The following WDR33 variants were observed in gnomAD, a reference collection of about 807,000 sequenced individuals.
The protein encoded by WDR33 is WD repeat domain 33.
WDR33 carries 47 observed loss-of-function variants against 164.9 expected under a neutral mutation model. The observed-to-expected ratio is 0.29, with a 90% CI of 0.23 to 0.36. The LOEUF (loss-of-function observed/expected upper bound fraction) is 0.36. Among genes scored for constraint, WDR33 ranks in the 10% least tolerant of loss-of-function variants. The probability of loss-of-function intolerance (pLI) is 1.00; values close to 1 mark genes in which losing one functional copy is unlikely to be tolerated. For synonymous variants in WDR33, 505 were observed against 589.0 expected (o/e 0.86, Z 2.06); for missense variants, 1,137 against 1,754.1 (o/e 0.65, Z 6.28).
intron 1 of WDR33, chr2:127,810,769 C>G (rs943110537): frequency 1.4e-5 from 2 of 141,928 alleles, no homozygotes; most frequent in African/African-American, 5.6e-5. Context: ...CGCCACCGCT[C>G]CCAGTCAGGG....
intron 2 of WDR33, 57 bp from the exon 3 acceptor site, chr2:127,769,058 T>C: frequency 9.5e-7 from 1 of 1,047,718 alleles, no homozygotes; most frequent in Non-Finnish European, 1.2e-6. Context: ...AATGACTATA[T>C]GGTCTGATTA....
At chr2:127,730,354 G>T (rs1329037154) in intron 7 of WDR33, among the ~76,000 whole-genome samples, 3 of 151,862 alleles carry the variant, frequency 2.0e-5, no homozygotes, top group Non-Finnish European at 4.4e-5. Flanking sequence ...TCAGTAAAGT[G>T]AAAAAAATTT....
At chr2:127,776,292 T>C (rs1160435880) in intron 1 of WDR33, among the ~76,000 whole-genome samples, 3 of 152,176 alleles carry the variant, frequency 2.0e-5, no homozygotes, top group South Asian at 2.1e-4. Context: ...GATCTCAGAC[T>C]TTCAGCCTCC....
intron 7 of WDR33, among the ~76,000 whole-genome samples, chr2:127,742,730 A>G (rs1364214404): frequency 1.3e-5 from 2 of 151,924 alleles, no homozygotes; most frequent in Non-Finnish European, 2.9e-5. Context: ...AGAATTCCGT[A>G]AGACAAGCAA....
chr2:127,767,348 A>G (rs1164498546), intron 4 of WDR33, among the ~76,000 whole-genome samples: 2 of 152,198 alleles, frequency 1.3e-5, no homozygotes, highest in Non-Finnish European at 1.5e-5. Flanking sequence ...AAATGATTAC[A>G]TTATCATCTA....
intron 18 of WDR33, among the ~76,000 whole-genome samples, chr2:127,711,203 T>C (rs1392713580): frequency 6.6e-6 from 1 of 152,058 alleles, no homozygotes; most frequent in Non-Finnish European, 1.5e-5. Context: ...GGCAGGCAGA[T>C]CACTTGAGGC....
At chr2:127,744,023 A>G (rs779590566) in intron 7 of WDR33, among the ~76,000 whole-genome samples, 23 of 152,210 alleles carry the variant, frequency 1.5e-4, no homozygotes, top group Admixed American at 6.5e-5. Context: ...TGGAGGAAAG[A>G]CTTTTTACCA....
intron 7 of WDR33, chr2:127,736,329 T>G (rs1034486389): frequency 1.0e-6 from 1 of 985,258 alleles, no homozygotes; most frequent in African/African-American, 1.7e-5. Context: ...CCTTTAACCT[T>G]TAATTTGTAA....
At chr2:127,777,268 G>A (rs1217393033) in intron 1 of WDR33, among the ~76,000 whole-genome samples, 1 of 152,192 alleles carries the variant, frequency 6.6e-6, no homozygotes, top group African/African-American at 2.4e-5. Flanking sequence ...TGCATACACT[G>A]CCTCAGGTAC....
rs1172911458 is a variant in WDR33, at chr2:127,708,995, C to T, written c.3566-103G>A. 4.7e-6 allele frequency: 6 copies of T among 1,283,054 alleles called. No individual in the cohort carries two copies. The African/African-American group carries it at 7.5e-5, about 16-fold the overall frequency. 79.5% of individuals were successfully genotyped at this position (1,283,054 alleles called of 1,614,324 possible). A position where few individuals can be genotyped will look rare whatever the true frequency, so the allele number is the denominator to read the frequency against. On this transcript the variant is annotated intron_variant, in intron 20 of 21. Transcript: ENST00000322313. The surrounding 1 kb of genome is among the most constrained non-coding windows in gnomAD (Gnocchi z 6.7). Reference sequence around the variant, plus strand: ...GGAGCAACTCGAGAGCCACCGTTCACTCATGCTGAATGCCCGCCAGAGGCC... The same window carrying T: ...GGAGCAACTCGAGAGCCACCGTTCATTCATGCTGAATGCCCGCCAGAGGCC...
chr2:127,768,255 A>G lies in WDR33; in HGVS notation c.312T>C (p.Asn104=). 6.3e-7 allele frequency: 1 copy of G among 1,581,442 alleles called. No individual in the cohort carries two copies. Residue 104 remains asparagine (N), a synonymous_variant, in exon 4 of 22, where the codon AAT becomes AAC. Transcript: ENST00000322313. ...TCCGAACAAATTTTGTTGTTACTGC[A>G]TTCATAGGATTATTCAACATTCCTA... The part of the protein sequence containing the change: ...PPIGMLNNPM[N]AVTTKFVRTS...
chr2:127,784,864 A>G (rs1007018602), intron 1 of WDR33, among the ~76,000 whole-genome samples: 1 of 152,210 alleles, frequency 6.6e-6, no homozygotes, highest in African/African-American at 2.4e-5. Context: ...CTTATAAAAT[A>G]TAACTTTCCT....
rs1417403359 is a variant in WDR33 at position 127,763,899 on chromosome 2, T to C, written c.627-740A>G. On this transcript the variant is annotated intron_variant, in intron 6 of 21. Transcript: ENST00000322313. The surrounding 1 kb of genome is among the most constrained non-coding windows in gnomAD (Gnocchi z 4.5). ...GGACCAGCTGTGTAAACTCAATGTA[T>C]GGGCATGACACTAAGGCAAAATCTA... 1 of 985,614 alleles carries C rather than the reference T, an allele frequency of 1.0e-6. No individual in the cohort carries two copies. Among genetic ancestry groups the C allele is most frequent in the Non-Finnish European group, 1.2e-6 (1 of 830,182 alleles). The allele number at this position is 985,614 out of a possible 1,614,324, so 61.1% of individuals were successfully genotyped here. A position where few individuals can be genotyped will look rare whatever the true frequency, so the allele number is the denominator to read the frequency against.
chr2:127,800,550 T>C (rs553938223), intron 1 of WDR33, among the ~76,000 whole-genome samples: 2 of 147,064 alleles, frequency 1.4e-5, no homozygotes, highest in Non-Finnish European at 3.0e-5. Context: ...GGCAGGAGAA[T>C]GGCATGAACC....
At chr2:127,761,968 A>G (rs939089600) in intron 7 of WDR33, among the ~76,000 whole-genome samples, 2 of 152,244 alleles carry the variant, frequency 1.3e-5, no homozygotes, top group Non-Finnish European at 1.5e-5. Context: ...AATACACATT[A>G]AAGTATCTCA....
chr2:127,808,903 G>A (rs1689531555), intron 1 of WDR33, among the ~76,000 whole-genome samples: 1 of 151,958 alleles, frequency 6.6e-6, no homozygotes, highest in African/African-American at 2.4e-5. Flanking sequence ...GGTGGCGGGC[G>A]CCTATAGTCC....
At chr2:127,786,361 T>A (rs1320754291) in intron 1 of WDR33, among the ~76,000 whole-genome samples, 3 of 152,220 alleles carry the variant, frequency 2.0e-5, no homozygotes, top group Non-Finnish European at 4.4e-5. Context: ...TATTTCCATA[T>A]CCAGATGTTC....
chr2:127,701,868 C>G lies in WDR33; in HGVS notation c.*4455G>C, dbSNP rs1294345074. 6.9e-7 allele frequency: 1 copy of G among 1,459,764 alleles called. No homozygotes were observed. The highest frequency in any genetic ancestry group is 9.0e-7 in the Non-Finnish European group (1 of 1,111,466). The allele number at this position is 1,459,764 out of a possible 1,614,324, so 90.4% of individuals were successfully genotyped here. A position where few individuals can be genotyped will look rare whatever the true frequency, so the allele number is the denominator to read the frequency against. ...GCGCAAGTTCGCGCTGCTCTGGTCACTGGGCTCGGCGCTGGCGTTGGCGGG... is the reference window on the plus strand; with the variant it reads ...GCGCAAGTTCGCGCTGCTCTGGTCAGTGGGCTCGGCGCTGGCGTTGGCGGG... On this transcript the variant is annotated 3_prime_UTR_variant, in exon 22 of 22. Transcript: ENST00000322313.
In WDR33 at chr2:127,735,254, CTCACCCCTCCTCCACCTGA is replaced by C. The variant is rs1333036845; in HGVS notation, c.725-8496_725-8478del. On this transcript the variant is annotated intron_variant, in intron 7 of 21. Coordinates refer to ENST00000322313, the MANE Select transcript of WDR33 (RefSeq NM_018383.5). This position sits in a 1 kb window ranked among gnomAD's most constrained non-coding sequence, Gnocchi z 4.3. ...GTGCCCTGTGCATTTTTCTCAGGCC[CTCACCCCTCCTCCACCTGA>C]TCACCCCTCCTCCACCTCATCAGAT... 4.5e-6 allele frequency: 2 copies of C among 445,366 alleles called. No homozygotes were observed. Among genetic ancestry groups the C allele is most frequent in the Non-Finnish European group, 3.0e-6 (1 of 336,564 alleles). The allele number at this position is 445,366 out of a possible 1,614,324, so 27.6% of individuals were successfully genotyped here.
Sources: allele counts gnomAD v4.1 joint callset (sites outside exome capture counted in the v4.1 genomes callset), GRCh38; gene constraint gnomAD v4.1.1; non-coding constraint Gnocchi (gnomAD v3.1); transcripts MANE v1.5; gene names NCBI Gene and HGNC (gene_info 2026-07-23, HGNC 2026-07-21).